Variants in TOGARAM2 observed in about 807,000 individuals in gnomAD.
TOGARAM2 encodes the protein TOG array regulator of axonemal microtubules 2, also known as TOG array regulator of axonemal microtubules protein 2.
Under a neutral mutation model 93.3 loss-of-function variants are expected in TOGARAM2, and 85 were observed. The ratio of observed to expected loss-of-function variants is 0.91; its 90% CI spans 0.76 to 1.09. The LOEUF (loss-of-function observed/expected upper bound fraction) is 1.09. TOGARAM2 is among the 50% of genes least tolerant of loss of function. The pLI is 0.00. For missense variants in TOGARAM2, 1,277 were observed against 1,334.5 expected, an observed-to-expected ratio of 0.96 and a Z score of 0.67; for synonymous variants, 593 against 552.8, an observed-to-expected ratio of 1.07 and a Z score of -1.02.
At chr2:29,019,919 G>A (rs1664825803) in intron 10 of TOGARAM2, among the ~76,000 whole-genome samples, 1 of 152,200 alleles carries the variant, frequency 6.6e-6, no homozygotes, top group Non-Finnish European at 1.5e-5. Flanking sequence ...GGAAATAAGA[G>A]CTAGGAGTCA....
intron 14 of TOGARAM2, among the ~76,000 whole-genome samples, chr2:29,027,527 G>A (rs1372188490): frequency 6.6e-6 from 1 of 152,044 alleles, no homozygotes; most frequent in Non-Finnish European, 1.5e-5. Flanking sequence ...CACTTTGGGA[G>A]GCCAAGGCAG....
intron 18 of TOGARAM2, among the ~76,000 whole-genome samples, chr2:29,043,507 A>T (rs1666561297): frequency 6.6e-6 from 1 of 152,090 alleles, no homozygotes; most frequent in South Asian, 2.1e-4. Flanking sequence ...GTCCCCTGTA[A>T]AGAGAAGTCT....
chr2:29,005,737 A>G lies in TOGARAM2; in HGVS notation c.830+2055A>G, dbSNP rs1402350910. On this transcript the variant is annotated intron_variant, in intron 6 of 19. Coordinates refer to ENST00000379558, the MANE Select transcript of TOGARAM2 (RefSeq NM_199280.4). Reference sequence around the variant, plus strand: ...AGTGCATGTGTGCATGTGTGTGAGCACATATATGTGTGTATGTGTGTGTGT... The same window carrying G: ...AGTGCATGTGTGCATGTGTGTGAGCGCATATATGTGTGTATGTGTGTGTGT... 1.9e-4 allele frequency among the ~76,000 whole-genome samples: 9 copies of G among 48,594 alleles called. 1 individual carries two copies. Among genetic ancestry groups the G allele is most frequent in the African/African-American group, 4.3e-4 (9 of 21,136 alleles). 31.9% of individuals were successfully genotyped at this position (48,594 alleles called of 152,430 possible).
intron 6 of TOGARAM2, among the ~76,000 whole-genome samples, chr2:29,011,034 C>CG (rs1375467411): frequency 6.6e-6 from 1 of 152,130 alleles, no homozygotes; most frequent in Admixed American, 6.5e-5. Context: ...TGAGCTCTCA[C>CG]GGGGTTGGGG....
At chr2:29,022,986 G>T in intron 11 of TOGARAM2, 100 bp from the exon 12 acceptor site, 1 of 953,768 alleles carries the variant, frequency 1.0e-6, no homozygotes, top group Non-Finnish European at 1.6e-6. Flanking sequence ...GCGGGTGACG[G>T]TGGACCGTGA....
Position 29,036,745 on chromosome 2 carries a change from G to C in TOGARAM2, c.2623G>C (p.Val875Leu). ...AAAVAVLDAM[V>L]ESLDNLCLLP... ...TGCCGTGGCTGTGCTGGATGCGATGGTTGAGAGCCTGGGTGAGTGTCCCAC... is the reference window on the plus strand; with the variant it reads ...TGCCGTGGCTGTGCTGGATGCGATGCTTGAGAGCCTGGGTGAGTGTCCCAC... Residue 875 changes from valine to leucine, a missense_variant, in exon 18 of 20, where the codon GTT becomes CTT. By Grantham distance (32) the Val-to-Leu change is conservative. Transcript: ENST00000379558. The C allele has an allele frequency of 6.2e-7, 1 of 1,613,014 alleles. No individual in the cohort carries two copies. Among genetic ancestry groups the C allele is most frequent in the Non-Finnish European group, 8.5e-7 (1 of 1,179,496 alleles).
intron 1 of TOGARAM2, among the ~76,000 whole-genome samples, chr2:28,981,979 C>T (rs1048895146): frequency 6.6e-6 from 1 of 152,150 alleles, no homozygotes; most frequent in South Asian, 2.1e-4. Flanking sequence ...TGGGGCACCC[C>T]GTGAGAGCAT....
intron 1 of TOGARAM2, among the ~76,000 whole-genome samples, chr2:28,985,940 C>T (rs963799160): frequency 7.2e-5 from 11 of 151,984 alleles, no homozygotes; most frequent in African/African-American, 2.7e-4. Flanking sequence ...CCCGTCACTA[C>T]TAATAATACA....
chr2:28,962,150 T>A (rs556223088), intron 1 of TOGARAM2, among the ~76,000 whole-genome samples: 7 of 152,086 alleles, frequency 4.6e-5, no homozygotes, highest in African/African-American at 1.7e-4. Context: ...TTGCGGATAT[T>A]GCTATATACA....
chr2:28,976,130 G>C (rs575432913), intron 1 of TOGARAM2, among the ~76,000 whole-genome samples: 1 of 152,316 alleles, frequency 6.6e-6, no homozygotes, highest in Admixed American at 6.5e-5. Context: ...CAGCACTTTG[G>C]GAGGCCGAGG....
intron 18 of TOGARAM2, among the ~76,000 whole-genome samples, chr2:29,037,971 T>C (rs533713586): frequency 1.3e-5 from 2 of 152,310 alleles, no homozygotes; most frequent in South Asian, 4.1e-4. Flanking sequence ...TACCCTTGTC[T>C]AGGGAGAGGA....
At chr2:28,960,258 AG>A (rs1671784614) in intron 1 of TOGARAM2, among the ~76,000 whole-genome samples, 1 of 152,210 alleles carries the variant, frequency 6.6e-6, no homozygotes, top group African/African-American at 2.4e-5. Context: ...TAACTACTTC[AG>A]GGTGACGTGC....
At chr2:28,961,187 A>G (rs1022590110) in intron 1 of TOGARAM2, among the ~76,000 whole-genome samples, 10 of 152,070 alleles carry the variant, frequency 6.6e-5, no homozygotes, top group Non-Finnish European at 1.0e-4. Context: ...ATCACCAGCT[A>G]GAAGCTCCGA....
chr2:29,020,245 G>T (rs28579206), intron 10 of TOGARAM2, among the ~76,000 whole-genome samples: 49,357 of 152,046 alleles, frequency 0.32, 8,464 homozygotes, highest in East Asian at 0.69. Flanking sequence ...ACTGATGTGG[G>T]TTACAGATTG....
intron 10 of TOGARAM2, among the ~76,000 whole-genome samples, chr2:29,021,831 G>A (rs912164351): frequency 2.6e-5 from 4 of 152,242 alleles, no homozygotes; most frequent in African/African-American, 9.6e-5. Context: ...GATGGGGCAG[G>A]TTTGGAGGTG....
At chr2:28,998,459 G>A (rs757567704) in intron 3 of TOGARAM2, among the ~76,000 whole-genome samples, 3 of 152,226 alleles carry the variant, frequency 2.0e-5, no homozygotes, top group East Asian at 3.9e-4. Flanking sequence ...AGGGGGACCC[G>A]CAGGAATAGG....
At chr2:29,019,433 T>C (rs1366306797) in intron 10 of TOGARAM2, among the ~76,000 whole-genome samples, 1 of 152,056 alleles carries the variant, frequency 6.6e-6, no homozygotes, top group Admixed American at 6.5e-5. Context: ...GCCTCCCAAA[T>C]TGCTGGGATT....
intron 3 of TOGARAM2, among the ~76,000 whole-genome samples, chr2:28,998,759 G>T (rs1673125584): frequency 6.6e-6 from 1 of 152,184 alleles, no homozygotes; most frequent in South Asian, 2.1e-4. Context: ...TGGTGTGTCT[G>T]CTGGGGGTGG....
chr2:29,033,444 C>T, intron 15 of TOGARAM2, 25 bp from the exon 16 acceptor site: 1 of 1,599,820 alleles, frequency 6.3e-7, no homozygotes, highest in Non-Finnish European at 8.5e-7. Flanking sequence ...CCTTTTGGCT[C>T]ATGCTCTGTG....
Sources: allele counts gnomAD v4.1 joint callset (sites outside exome capture counted in the v4.1 genomes callset), GRCh38; gene constraint gnomAD v4.1.1; transcripts MANE v1.5; gene names NCBI Gene and HGNC (gene_info 2026-07-23, HGNC 2026-07-21).